The following MAMDC2 variants were observed in gnomAD, a reference collection of about 807,000 sequenced individuals.
The protein encoded by MAMDC2 is MAM domain containing 2.
A neutral mutation model predicts 89.8 loss-of-function variants in MAMDC2; 57 were observed. The observed-to-expected ratio is 0.63, with a 90% CI of 0.51 to 0.79. The LOEUF is 0.79. MAMDC2 is among the 30% of genes least tolerant of loss of function. The probability of loss-of-function intolerance (pLI) is 0.00; values close to 1 mark genes in which losing one functional copy is unlikely to be tolerated. For synonymous variants in MAMDC2, 313 were observed against 293.4 expected (o/e 1.07, Z -0.68); for missense variants, 800 against 820.6 (o/e 0.97, Z 0.31).
chr9:70,178,734 A>C (rs2032567391), intron 11 of MAMDC2, among the ~76,000 whole-genome samples: 1 of 152,218 alleles, frequency 6.6e-6, no homozygotes, highest in Non-Finnish European at 1.5e-5. Context: ...ATTATACATC[A>C]AATAATTGCC....
At chr9:70,104,955 T>G (rs975792987) in intron 2 of MAMDC2, among the ~76,000 whole-genome samples, 2 of 152,126 alleles carry the variant, frequency 1.3e-5, no homozygotes, top group African/African-American at 4.8e-5. Context: ...TGTCTAAAGT[T>G]AACTTCCAAA....
intron 11 of MAMDC2, among the ~76,000 whole-genome samples, chr9:70,178,465 C>G (rs2032562381): frequency 6.6e-6 from 1 of 152,198 alleles, no homozygotes; most frequent in Non-Finnish European, 1.5e-5. Flanking sequence ...TTCGACACCA[C>G]TGCATTGGGG....
chr9:70,072,281 T>C (rs1220792689), intron 2 of MAMDC2, among the ~76,000 whole-genome samples: 1 of 152,142 alleles, frequency 6.6e-6, no homozygotes, highest in Non-Finnish European at 1.5e-5. Flanking sequence ...CTCAAATAAA[T>C]GTGGTTCACC....
intron 11 of MAMDC2, among the ~76,000 whole-genome samples, chr9:70,214,923 T>A (rs1182706591): frequency 1.3e-5 from 2 of 152,188 alleles, no homozygotes; most frequent in Non-Finnish European, 2.9e-5. Context: ...CAGTGTGAGA[T>A]GTCTACCTGA....
chr9:70,221,386 G>T lies in MAMDC2; in HGVS notation c.1911+2790G>T, dbSNP rs1161783894. Among the ~76,000 whole-genome samples the T allele has an allele frequency of 7.5e-3, 200 of 26,732 alleles. 15 individuals are homozygous for T. Among genetic ancestry groups the T allele is most frequent in the Non-Finnish European group, 0.01 (122 of 11,694 alleles). The allele number at this position is 26,732 out of a possible 152,430, so 17.5% of individuals were successfully genotyped here. A position where few individuals can be genotyped will look rare whatever the true frequency, so the allele number is the denominator to read the frequency against. On this transcript the variant is annotated intron_variant, in intron 12 of 13. Transcript: ENST00000377182. ...ATATATATATATATATATATAGAGA[G>T]AGAGAGAGAGAGAGAGAGAGAGTAA...
At chr9:70,111,017 AATG>A (rs2118269262) in intron 4 of MAMDC2, among the ~76,000 whole-genome samples, 1 of 152,332 alleles carries the variant, frequency 6.6e-6, no homozygotes, top group East Asian at 1.9e-4. Context: ...TTTTGACCTC[AATG>A]ATATCTCTAG....
In MAMDC2 at chr9:70,218,386, AC is replaced by A. The variant is rs1564004169; in HGVS notation, c.1702del (p.Arg568AlafsTer16). 1.2e-6 allele frequency: 2 copies of A among 1,614,208 alleles called. No individual in the cohort carries two copies. The highest frequency in any genetic ancestry group is 1.7e-6 in the Non-Finnish European group (2 of 1,180,016). ...CCCATATGGTGTATGGACAAAAAGCACGCCTCTTGTCCAGGCCTCTGCGAGG... is the reference window on the plus strand; with the variant it reads ...CCCATATGGTGTATGGACAAAAAGCAGCCTCTTGTCCAGGCCTCTGCGAGG... The part of the protein sequence containing the change: ...ASHMVYGQKA[R>X]LLSRPLRGVS... On this transcript the variant is annotated frameshift_variant, in exon 12 of 14. Transcript: ENST00000377182. LOFTEE classifies it high-confidence loss of function.
intron 2 of MAMDC2, chr9:70,088,843 G>A (rs913726513): frequency 6.6e-6 from 1 of 152,002 alleles, no homozygotes; most frequent in East Asian, 1.9e-4. Context: ...AGAATTTGAG[G>A]AGACTGCTAT....
chr9:70,106,833 C>T (rs571865532), intron 2 of MAMDC2, among the ~76,000 whole-genome samples: 1 of 152,172 alleles, frequency 6.6e-6, no homozygotes, highest in Non-Finnish European at 1.5e-5. Flanking sequence ...TCCCTGAAGA[C>T]AATGCCCTAA....
At position 70,218,597 on chromosome 9, in the gene MAMDC2, G is replaced by T. The variant is rs1199727719; in HGVS notation, c.1911+1G>T. On this transcript the variant is annotated splice_donor_variant, in intron 12 of 13. Transcript: ENST00000377182. LOFTEE classifies it high-confidence loss of function. ...ATACAGCTGTGAGAGGCAACACCAG[G>T]TAAGCCAACAGAGATAAGAACTAAG... 6.2e-7 allele frequency: 1 copy of T among 1,601,642 alleles called. No homozygotes were observed. Among genetic ancestry groups the T allele is most frequent in the East Asian group, 2.2e-5 (1 of 44,676 alleles).
chr9:70,104,271 A>G (rs779351567), intron 2 of MAMDC2, among the ~76,000 whole-genome samples: 4 of 152,212 alleles, frequency 2.6e-5, no homozygotes, highest in Non-Finnish European at 4.4e-5. Flanking sequence ...ATTCACTAAA[A>G]TTAAAAAAAA....
At chr9:70,135,682 G>C (rs2030977375) in intron 7 of MAMDC2, among the ~76,000 whole-genome samples, 1 of 152,082 alleles carries the variant, frequency 6.6e-6, no homozygotes, top group African/African-American at 2.4e-5. Context: ...AAATTGAGAG[G>C]AAGATACAGA....
chr9:70,217,823 C>A (rs2033478387), intron 11 of MAMDC2, among the ~76,000 whole-genome samples: 1 of 152,206 alleles, frequency 6.6e-6, no homozygotes, highest in Admixed American at 6.5e-5. Flanking sequence ...GAGCATATGT[C>A]ATTATGTTAT....
chr9:70,175,877 C>T (rs898096309), intron 11 of MAMDC2: 1 of 152,224 alleles, frequency 6.6e-6, no homozygotes, highest in African/African-American at 2.4e-5. Flanking sequence ...TGTGCCAGTG[C>T]ACCCCCGATA....
rs143052785 is a variant in MAMDC2, at chr9:70,062,292, A to G, written c.148+17595A>G. ...ACACACACACACACTATCTCTTTAT[A>G]TATTTATCTATGTCTCCTCTACCAT... On this transcript the variant is annotated intron_variant, in intron 2 of 13. Coordinates refer to ENST00000377182, the MANE Select transcript of MAMDC2 (RefSeq NM_153267.5). Among the ~76,000 whole-genome samples the G allele has an allele frequency of 2.4e-4, 37 of 152,154 alleles. No individual in the cohort carries two copies. The East Asian group carries it at 6.6e-3, about 27-fold the overall frequency.
intron 2 of MAMDC2, among the ~76,000 whole-genome samples, chr9:70,052,034 T>A (rs1826917896): frequency 6.6e-6 from 1 of 152,124 alleles, no homozygotes; most frequent in African/African-American, 2.4e-5. Context: ...CAGGTCTTAC[T>A]CCAAGAGGTT....
intron 2 of MAMDC2, among the ~76,000 whole-genome samples, chr9:70,054,995 A>G (rs767814219): frequency 6.6e-6 from 1 of 152,042 alleles, no homozygotes; most frequent in Non-Finnish European, 1.5e-5. Context: ...GGCGACTATC[A>G]CCTTAAGGCC....
intron 7 of MAMDC2, among the ~76,000 whole-genome samples, chr9:70,136,211 A>G (rs772605011): frequency 6.6e-4 from 100 of 152,216 alleles, no homozygotes; most frequent in Non-Finnish European, 1.4e-3. Flanking sequence ...CCTTCCCCCA[A>G]ACCCGTGGCA....
intron 2 of MAMDC2, among the ~76,000 whole-genome samples, chr9:70,104,025 GA>G (rs1305622369): frequency 1.3e-5 from 2 of 151,360 alleles, no homozygotes; most frequent in African/African-American, 4.9e-5. Flanking sequence ...CACAGAATGG[GA>G]AAAAGTATTT....
Sources: allele counts gnomAD v4.1 joint callset (sites outside exome capture counted in the v4.1 genomes callset), GRCh38; gene constraint gnomAD v4.1.1; transcripts MANE v1.5; gene names NCBI Gene and HGNC (gene_info 2026-07-23, HGNC 2026-07-21).